The following ST8SIA6 variants were observed in gnomAD, a reference collection of about 807,000 sequenced individuals.
The protein encoded by ST8SIA6 is ST8 alpha-N-acetyl-neuraminide alpha-2,8-sialyltransferase 6.
In ST8SIA6, 39 loss-of-function variants were observed where a neutral mutation model predicts 33.6. That is an observed-to-expected ratio of 1.16 (90% CI 0.90 to 1.52). The LOEUF (loss-of-function observed/expected upper bound fraction) is 1.52. Among genes scored for constraint, ST8SIA6 ranks in the 40% most tolerant of loss-of-function variants. The pLI is 0.00. For synonymous variants in ST8SIA6, 172 were observed against 167.2 expected (o/e 1.03, Z -0.22); for missense variants, 441 against 443.8 (o/e 0.99, Z 0.06).
At chr10:17,350,598 T>C (rs887255954) in intron 4 of ST8SIA6, among the ~76,000 whole-genome samples, 1 of 151,624 alleles carries the variant, frequency 6.6e-6, no homozygotes, top group African/African-American at 2.4e-5. Context: ...AAACATTCCA[T>C]TTCAGCCCCA....
intron 3 of ST8SIA6, among the ~76,000 whole-genome samples, chr10:17,389,413 G>A (rs1017502518): frequency 2.6e-5 from 4 of 152,106 alleles, no homozygotes; most frequent in East Asian, 3.9e-4. Context: ...GATGAAACTC[G>A]GGTTATTTCC....
intron 4 of ST8SIA6, among the ~76,000 whole-genome samples, chr10:17,348,568 AGT>A (rs755139759): frequency 4.3e-4 from 66 of 152,312 alleles, no homozygotes; most frequent in Non-Finnish European, 7.5e-4. Flanking sequence ...TAGGCAGTTC[AGT>A]TCTGCTCATG....
intron 2 of ST8SIA6, among the ~76,000 whole-genome samples, chr10:17,391,098 T>A (rs940606966): frequency 6.6e-6 from 1 of 152,076 alleles, no homozygotes; most frequent in Non-Finnish European, 1.5e-5. Context: ...CCTTAGATGA[T>A]CCATCCGCAT....
intron 4 of ST8SIA6, among the ~76,000 whole-genome samples, chr10:17,340,002 A>T (rs1242793304): frequency 3.3e-5 from 5 of 152,344 alleles, no homozygotes; most frequent in African/African-American, 1.2e-4. Context: ...GATGACTTGT[A>T]AGGCAGTAAG....
chr10:17,333,068 C>G lies in ST8SIA6; in HGVS notation c.378-1516G>C, dbSNP rs12573141. Among the ~76,000 whole-genome samples, 1,913 of 152,102 alleles carry G rather than the reference C, an allele frequency of 0.013. 85 individuals carry two copies. The East Asian group carries it at 0.15, about 12-fold the overall frequency. ...AGCTCTTTAGTTTAAAATCAATGTGCAAAAATTACAAGCATTTCTATACAT... is the reference window on the plus strand; with the variant it reads ...AGCTCTTTAGTTTAAAATCAATGTGGAAAAATTACAAGCATTTCTATACAT... On this transcript the variant is annotated intron_variant, in intron 4 of 7. Transcript: ENST00000377602.
intron 2 of ST8SIA6, among the ~76,000 whole-genome samples, chr10:17,400,387 C>A (rs904654294): frequency 6.6e-6 from 1 of 152,176 alleles, no homozygotes; most frequent in African/African-American, 2.4e-5. Flanking sequence ...CAAAACTTAG[C>A]CAGGCGTGGT....
Position 17,454,116 on chromosome 10 carries a change from CGCGCGGCGCGGG to C in ST8SIA6, c.101+27_101+38del. ...GGGGGTCCGGGGGCGCCAGGCGGGG[CGCGCGGCGCGGG>C]GCGCGGCCGGCGGGTGGGTGGGTTA... On this transcript the variant is annotated intron_variant, in intron 1 of 7. Coordinates refer to ENST00000377602, the MANE Select transcript of ST8SIA6 (RefSeq NM_001004470.3). The surrounding 1 kb of genome is among the most constrained non-coding windows in gnomAD (Gnocchi z 4.1). 3.9e-6 allele frequency: 1 copy of C among 257,794 alleles called. No homozygotes were observed. Among genetic ancestry groups the C allele is most frequent in the Non-Finnish European group, 7.3e-6 (1 of 137,498 alleles). 16.0% of individuals were successfully genotyped at this position (257,794 alleles called of 1,614,324 possible). A position where few individuals can be genotyped will look rare whatever the true frequency, so the allele number is the denominator to read the frequency against.
intron 2 of ST8SIA6, among the ~76,000 whole-genome samples, chr10:17,421,229 C>T (rs1176646049): frequency 1.3e-5 from 2 of 152,188 alleles, no homozygotes; most frequent in South Asian, 2.1e-4. Context: ...CAGCCTCAAG[C>T]CCCCTGTGGA....
intron 4 of ST8SIA6, among the ~76,000 whole-genome samples, chr10:17,353,910 A>G (rs1849110091): frequency 1.3e-5 from 2 of 152,224 alleles, no homozygotes; most frequent in South Asian, 4.1e-4. Flanking sequence ...AAGAAACAAA[A>G]TAATAGTGTG....
At chr10:17,389,103 A>G (rs1213726762) in intron 3 of ST8SIA6, among the ~76,000 whole-genome samples, 1 of 152,018 alleles carries the variant, frequency 6.6e-6, no homozygotes, top group Non-Finnish European at 1.5e-5. Context: ...TGGCAAGAAA[A>G]ACTCATTTCA....
chr10:17,437,671 C>T (rs1037841428), intron 2 of ST8SIA6, among the ~76,000 whole-genome samples: 14 of 116,604 alleles, frequency 1.2e-4, no homozygotes, highest in African/African-American at 2.0e-4. Context: ...CCTTCTGTCT[C>T]TCTTTCTCTT....
At chr10:17,406,437 C>T (rs1355619024) in intron 2 of ST8SIA6, among the ~76,000 whole-genome samples, 1 of 152,128 alleles carries the variant, frequency 6.6e-6, no homozygotes, top group Non-Finnish European at 1.5e-5. Flanking sequence ...TGTTCTTTGT[C>T]GAATATACGA....
intron 4 of ST8SIA6, among the ~76,000 whole-genome samples, chr10:17,358,706 GGAGGAAAGAA>G (rs1849283842): frequency 1.5e-5 from 2 of 130,820 alleles, no homozygotes; most frequent in African/African-American, 5.8e-5. Flanking sequence ...AGGAGGAGGA[GGAGGAAAGAA>G]GAAAGAAGAA....
intron 3 of ST8SIA6, among the ~76,000 whole-genome samples, chr10:17,378,861 T>C (rs951792415): frequency 2.0e-5 from 3 of 152,154 alleles, no homozygotes; most frequent in Admixed American, 6.5e-5. Context: ...GCACGGTGGC[T>C]CACACCTGTA....
intron 2 of ST8SIA6, among the ~76,000 whole-genome samples, chr10:17,428,651 A>G (rs566578272): frequency 6.6e-6 from 1 of 152,064 alleles, no homozygotes; most frequent in East Asian, 1.9e-4. Context: ...GGAGGCGGCC[A>G]AGCAGAAGGA....
At chr10:17,417,932 G>A (rs960574848) in intron 2 of ST8SIA6, among the ~76,000 whole-genome samples, 2 of 152,182 alleles carry the variant, frequency 1.3e-5, no homozygotes, top group Non-Finnish European at 2.9e-5. Flanking sequence ...GGTAGGGGAG[G>A]GAGTACAGGA....
At chr10:17,326,273 T>A (rs902479271) in intron 6 of ST8SIA6, among the ~76,000 whole-genome samples, 3 of 152,166 alleles carry the variant, frequency 2.0e-5, no homozygotes, top group Non-Finnish European at 4.4e-5. Flanking sequence ...TCAGTGCTCC[T>A]AAAACAGGAA....
chr10:17,330,897 T>G lies in ST8SIA6; in HGVS notation c.522+511A>C, dbSNP rs79260162. 7.6e-3 allele frequency among the ~76,000 whole-genome samples: 1,150 copies of G among 152,298 alleles called. 14 individuals are homozygous for G. The highest frequency in any genetic ancestry group is 0.026 in the African/African-American group (1,080 of 41,562). On this transcript the variant is annotated intron_variant, in intron 5 of 7. Transcript: ENST00000377602. Reference sequence around the variant, plus strand: ...TACAAATTGGTAGTGAGTGCATATATGTACTGGGAAATGTTCTAGGGGTTT... The same window carrying G: ...TACAAATTGGTAGTGAGTGCATATAGGTACTGGGAAATGTTCTAGGGGTTT...
intron 3 of ST8SIA6, among the ~76,000 whole-genome samples, chr10:17,364,842 T>C (rs1849506891): frequency 6.6e-6 from 1 of 152,222 alleles, no homozygotes; most frequent in African/African-American, 2.4e-5. Flanking sequence ...ATTTTCAGTT[T>C]ATAAAGCACA....
Sources: allele counts gnomAD v4.1 joint callset (sites outside exome capture counted in the v4.1 genomes callset), GRCh38; gene constraint gnomAD v4.1.1; non-coding constraint Gnocchi (gnomAD v3.1); transcripts MANE v1.5; gene names NCBI Gene and HGNC (gene_info 2026-07-23, HGNC 2026-07-21).